The following POLB variants were observed in gnomAD, a reference collection of about 807,000 sequenced individuals.
POLB encodes the protein 5'-dRP lyase.
A neutral mutation model predicts 52.7 loss-of-function variants in POLB; 37 were observed. The ratio of observed to expected loss-of-function variants is 0.70; its 90% CI spans 0.54 to 0.92. The LOEUF (loss-of-function observed/expected upper bound fraction) is 0.92, where lower values mean the gene tolerates loss of function less well. Among genes scored for constraint, POLB ranks in the 40% least tolerant of loss-of-function variants. POLB has a pLI of 0.00. For missense variants in POLB, 313 were observed against 400.8 expected (o/e 0.78, Z 1.87); for synonymous variants, 138 against 131.3 (o/e 1.05, Z -0.35).
intron 11 of POLB, among the ~76,000 whole-genome samples, chr8:42,364,430 T>C (rs1444865750): frequency 6.6e-6 from 1 of 152,138 alleles, no homozygotes; most frequent in South Asian, 2.1e-4. Flanking sequence ...GGTTTCACCA[T>C]GTTGCTCAGA....
chr8:42,361,429 T>A, intron 10 of POLB, 64 bp downstream of exon 10: 1 of 1,092,154 alleles, frequency 9.2e-7, no homozygotes, highest in Non-Finnish European at 1.4e-6. Flanking sequence ...ACTTTTTAAG[T>A]GATAGTTGGG....
intron 11 of POLB, among the ~76,000 whole-genome samples, chr8:42,364,119 G>A (rs1267161741): frequency 6.6e-6 from 1 of 152,034 alleles, no homozygotes; most frequent in Non-Finnish European, 1.5e-5. Context: ...TAGAGACCAG[G>A]TTTCACCATG....
In POLB at chr8:42,357,083, C is replaced by T. The variant is rs1378431276; in HGVS notation, c.423-86C>T. 1.0e-4 allele frequency: 75 copies of T among 740,666 alleles called. 1 individual carries two copies. Among genetic ancestry groups the T allele is most frequent in the South Asian group, 9.3e-4 (55 of 59,454 alleles). The allele number at this position is 740,666 out of a possible 1,614,324, so 45.9% of individuals were successfully genotyped here. On this transcript the variant is annotated intron_variant, in intron 7 of 13. Coordinates refer to ENST00000265421, the MANE Select transcript of POLB (RefSeq NM_002690.3). The stretch of plus-strand genomic sequence containing the variant: ...GTGAGAATGATCTGCTGGTATGGCA[C>T]GGACAATTGTTATAAAAGGCAATTT...
chr8:42,352,370 C>T (rs537099690), intron 5 of POLB, 149 bp from the exon 6 acceptor site: 39 of 643,832 alleles, frequency 6.1e-5, no homozygotes, highest in Non-Finnish European at 1.1e-4. Context: ...ATTCGTACTT[C>T]GGATACAGTT....
At chr8:42,343,091 G>A (rs1401454262) in intron 2 of POLB, among the ~76,000 whole-genome samples, 1 of 151,788 alleles carries the variant, frequency 6.6e-6, no homozygotes, top group Non-Finnish European at 1.5e-5. Flanking sequence ...GGGAGGCCAA[G>A]GCAGGCAGAT....
intron 13 of POLB, among the ~76,000 whole-genome samples, chr8:42,370,934 T>G (rs1824348614): frequency 6.6e-6 from 1 of 152,230 alleles, no homozygotes; most frequent in African/African-American, 2.4e-5. Context: ...ATGCCAGTGC[T>G]GCTAGTCCAA....
chr8:42,359,947 CT>C (rs1823571648), intron 9 of POLB, among the ~76,000 whole-genome samples: 1 of 151,274 alleles, frequency 6.6e-6, no homozygotes, highest in African/African-American at 2.4e-5. Context: ...GTCTAGTCTT[CT>C]TTTTTTCTTT....
At chr8:42,343,321 C>CAAAAAAAAAAA (rs1157325948) in intron 2 of POLB, among the ~76,000 whole-genome samples, 2 of 2,820 alleles carry the variant, frequency 7.1e-4, no homozygotes, top group Non-Finnish European at 8.7e-4. Context: ...GACTGCGTCT[C>CAAAAAAAAAAA]AAAAAAAAAA....
chr8:42,344,877 A>G (rs1822511200), intron 2 of POLB, 76 bp from the exon 3 acceptor site: 4 of 843,776 alleles, frequency 4.7e-6, no homozygotes, highest in South Asian at 4.2e-5. Context: ...ATTTGCTTGT[A>G]TATGTATTCC....
At chr8:42,358,165 G>C (rs184505409) in intron 9 of POLB, among the ~76,000 whole-genome samples, 1 of 152,132 alleles carries the variant, frequency 6.6e-6, no homozygotes, top group Non-Finnish European at 1.5e-5. Flanking sequence ...TAATCCTGGT[G>C]TCTTACTGGT....
chr8:42,340,112 T>C (rs1198678434), intron 2 of POLB: 3 of 152,240 alleles, frequency 2.0e-5, no homozygotes, highest in African/African-American at 7.2e-5. Context: ...TATTGGACTC[T>C]CTGTGGCATT....
rs111390379 is a variant in POLB, at chr8:42,349,387, ATTTC to A, written c.261+301_261+304del. On this transcript the variant is annotated intron_variant, in intron 4 of 13. Transcript: ENST00000265421. ...GATCGTTATCTTTTAGAATTTCTTTATTTCTTTATTTATGTTTTTGAGATGGAGT... is the reference window on the plus strand; with the variant it reads ...GATCGTTATCTTTTAGAATTTCTTTATTTATTTATGTTTTTGAGATGGAGT... 68 of 209,458 alleles carry A rather than the reference ATTTC, an allele frequency of 3.2e-4. 2 individuals carry two copies. Among genetic ancestry groups the A allele is most frequent in the African/African-American group, 1.4e-3 (60 of 43,320 alleles). The allele number at this position is 209,458 out of a possible 1,614,324, so 13.0% of individuals were successfully genotyped here. A position where few individuals can be genotyped will look rare whatever the true frequency, so the allele number is the denominator to read the frequency against.
intron 9 of POLB, chr8:42,357,647 T>G: frequency 2.7e-6 from 1 of 372,508 alleles, no homozygotes; most frequent in Non-Finnish European, 4.8e-6. Flanking sequence ...TATATTGAAA[T>G]GCTAGTAATG....
intron 6 of POLB, among the ~76,000 whole-genome samples, chr8:42,353,174 CTTT>C (rs1268234381): frequency 5.8e-5 from 8 of 138,360 alleles, no homozygotes; most frequent in East Asian, 2.1e-4. Flanking sequence ...GCCTTTATTT[CTTT>C]TTTTTTTTTT....
At chr8:42,354,550 ATT>A in intron 6 of POLB, 1 of 977,520 alleles carries the variant, frequency 1.0e-6, no homozygotes, top group Non-Finnish European at 1.4e-6. Flanking sequence ...TTTCAATGGA[ATT>A]TTTTTTTGTT....
intron 11 of POLB, among the ~76,000 whole-genome samples, chr8:42,363,345 G>C (rs767782589): frequency 6.6e-6 from 1 of 151,224 alleles, no homozygotes; most frequent in Non-Finnish European, 1.5e-5. Flanking sequence ...TGGCCAACAC[G>C]GTGAAACTCC....
At position 42,338,525 on chromosome 8, in the gene POLB, G is replaced by A. The variant is rs1027973643; in HGVS notation, c.-100G>A. 1.9e-6 allele frequency: 2 copies of A among 1,039,306 alleles called. No individual in the cohort carries two copies. Among genetic ancestry groups the A allele is most frequent in the Non-Finnish European group, 3.0e-6 (2 of 663,202 alleles). The allele number at this position is 1,039,306 out of a possible 1,614,324, so 64.4% of individuals were successfully genotyped here. A position where few individuals can be genotyped will look rare whatever the true frequency, so the allele number is the denominator to read the frequency against. On this transcript the variant is annotated 5_prime_UTR_variant, in exon 1 of 14. Transcript: ENST00000265421. The stretch of plus-strand genomic sequence containing the variant: ...CCGCCGGTCGCGCCGGAGCTGGGTT[G>A]CTCCTGCTCCCGTCTCCAAGTCCTG...
chr8:42,371,513 T>C (rs776441573), intron 13 of POLB, 50 bp from the exon 14 acceptor site: 1 of 1,095,048 alleles, frequency 9.1e-7, no homozygotes, highest in Admixed American at 1.9e-5. Context: ...CCTCTATAAC[T>C]AAACTATAAA....
Position 42,350,030 on chromosome 8 carries a change from A to G in POLB, c.285A>G (p.Ser95=), listed in dbSNP as rs760360725. ...LEKIRQDDTS[S]SINFLTRVSG... is the part of the protein sequence containing the mutation. ...AGATTCGGCAGGATGATACGAGTTC[A>G]TCCATCAATTTCCTGACTCGAGTTA... The change falls in exon 5 of 14, where the codon TCA becomes TCG. Residue 95 remains serine, a synonymous_variant. Coordinates refer to ENST00000265421, the MANE Select transcript of POLB (RefSeq NM_002690.3). 1.2e-6 allele frequency: 2 copies of G among 1,609,072 alleles called. No homozygotes were observed. The highest frequency in any genetic ancestry group is 1.7e-5 in the Admixed American group (1 of 59,988).
Sources: allele counts gnomAD v4.1 joint callset (sites outside exome capture counted in the v4.1 genomes callset), GRCh38; gene constraint gnomAD v4.1.1; transcripts MANE v1.5; gene names NCBI Gene and HGNC (gene_info 2026-07-23, HGNC 2026-07-21).